The following FHIT variants were observed in gnomAD, a reference collection of about 807,000 sequenced individuals.
The protein encoded by FHIT is fragile histidine triad diadenosine triphosphatase, also known as bis(5'-adenosyl)-triphosphatase.
A neutral mutation model predicts 17.9 loss-of-function variants in FHIT; 19 were observed. That is an observed-to-expected ratio of 1.06 (90% CI 0.74 to 1.56). FHIT has a LOEUF of 1.56. Among genes scored for constraint, FHIT ranks in the 40% most tolerant of loss-of-function variants. The pLI, the probability that FHIT is intolerant of heterozygous loss-of-function variation, is 0.00. For missense variants in FHIT, 248 were observed against 189.2 expected, an observed-to-expected ratio of 1.31 and a Z score of -1.82; for synonymous variants, 81 against 69.7, an observed-to-expected ratio of 1.16 and a Z score of -0.81.
In FHIT at chr3:60,064,872, A is replaced by C. The variant is rs571549529; in HGVS notation, c.104-50720T>G. ...TTATCTCATTTACTTCTCATTTAAAATGCCATTGGTTAATATCATAATCTT... is the reference window on the plus strand; with the variant it reads ...TTATCTCATTTACTTCTCATTTAAACTGCCATTGGTTAATATCATAATCTT... On this transcript the variant is annotated intron_variant, in intron 5 of 9. Transcript: ENST00000492590. Among the ~76,000 whole-genome samples, 1,511 of 152,338 alleles carry C rather than the reference A, an allele frequency of 9.9e-3. 29 individuals are homozygous for C. The highest frequency in any genetic ancestry group is 0.033 in the African/African-American group (1,363 of 41,570).
At chr3:60,094,776 G>C (rs536111912) in intron 5 of FHIT, among the ~76,000 whole-genome samples, 3 of 150,898 alleles carry the variant, frequency 2.0e-5, no homozygotes, top group Non-Finnish European at 4.4e-5. Context: ...GTGAGGGAGG[G>C]AAGGGAAGGG....
chr3:60,196,690 C>G (rs577412363), intron 5 of FHIT, among the ~76,000 whole-genome samples: 1 of 151,996 alleles, frequency 6.6e-6, no homozygotes, highest in Non-Finnish European at 1.5e-5. Flanking sequence ...AACATACATA[C>G]ATACATATAA....
chr3:60,218,890 T>C (rs1268205343), intron 5 of FHIT, among the ~76,000 whole-genome samples: 2 of 152,064 alleles, frequency 1.3e-5, no homozygotes, highest in African/African-American at 4.8e-5. Context: ...CATATATACA[T>C]ACATATATAA....
At chr3:61,110,266 C>T (rs1287750475) in intron 2 of FHIT, among the ~76,000 whole-genome samples, 1 of 152,148 alleles carries the variant, frequency 6.6e-6, no homozygotes, top group African/African-American at 2.4e-5. Context: ...AACAGGCCTG[C>T]TATGTTTCCA....
chr3:60,030,156 C>A (rs1250678899), intron 5 of FHIT, among the ~76,000 whole-genome samples: 1 of 152,070 alleles, frequency 6.6e-6, no homozygotes, highest in Non-Finnish European at 1.5e-5. Flanking sequence ...GTTTCCCCAC[C>A]AAATGTTCTC....
chr3:60,282,874 T>C (rs1452727156), intron 5 of FHIT, among the ~76,000 whole-genome samples: 6 of 152,116 alleles, frequency 3.9e-5, no homozygotes, highest in Non-Finnish European at 5.9e-5. Flanking sequence ...AGTAGGAAGA[T>C]TCTTATGGCT....
intron 5 of FHIT, among the ~76,000 whole-genome samples, chr3:60,175,921 G>C (rs1004047750): frequency 2.0e-5 from 3 of 152,142 alleles, no homozygotes; most frequent in Non-Finnish European, 4.4e-5. Flanking sequence ...TGTGATAATA[G>C]AACTGTTCCA....
chr3:61,204,670 A>C (rs2039151381), intron 1 of FHIT, among the ~76,000 whole-genome samples: 1 of 152,330 alleles, frequency 6.6e-6, no homozygotes, highest in East Asian at 1.9e-4. Context: ...GTTGTTTATA[A>C]GAAACAAATT....
chr3:61,075,090 GTT>G (rs1476632744), intron 2 of FHIT, among the ~76,000 whole-genome samples: 1 of 152,132 alleles, frequency 6.6e-6, no homozygotes, highest in Non-Finnish European at 1.5e-5. Context: ...AACAAAGCAG[GTT>G]TCAATGTTCT....
At chr3:60,195,219 C>T (rs112993883) in intron 5 of FHIT, among the ~76,000 whole-genome samples, 2 of 151,812 alleles carry the variant, frequency 1.3e-5, no homozygotes, top group African/African-American at 4.8e-5. Context: ...ACCATTTTAC[C>T]CCCTCCAGAA....
At chr3:59,826,964 C>A (rs112323202) in intron 8 of FHIT, among the ~76,000 whole-genome samples, 1 of 152,184 alleles carries the variant, frequency 6.6e-6, no homozygotes, top group African/African-American at 2.4e-5. Flanking sequence ...CCTCCCTCAA[C>A]AGATTTCAAA....
chr3:60,846,922 C>A (rs570829425), intron 3 of FHIT, among the ~76,000 whole-genome samples: 1 of 152,030 alleles, frequency 6.6e-6, no homozygotes, highest in Non-Finnish European at 1.5e-5. Flanking sequence ...CTCCCAGGTT[C>A]AAGCAATTCT....
intron 5 of FHIT, among the ~76,000 whole-genome samples, chr3:60,375,852 A>G (rs916413820): frequency 1.3e-5 from 2 of 152,116 alleles, no homozygotes; most frequent in African/African-American, 4.8e-5. Context: ...GCTCTCTACA[A>G]CGATAAAAAT....
At chr3:61,245,445 A>G (rs1219576068) in intron 1 of FHIT, among the ~76,000 whole-genome samples, 1 of 152,156 alleles carries the variant, frequency 6.6e-6, no homozygotes, top group African/African-American at 2.4e-5. Flanking sequence ...TAGACCACTG[A>G]AGAGTATCCT....
chr3:61,136,051 C>T (rs866191636), intron 2 of FHIT, among the ~76,000 whole-genome samples: 2 of 152,076 alleles, frequency 1.3e-5, no homozygotes, highest in African/African-American at 2.4e-5. Context: ...GGCCAACCAT[C>T]GCTATTTTCT....
chr3:60,401,254 T>A (rs1701646252), intron 5 of FHIT, among the ~76,000 whole-genome samples: 1 of 152,220 alleles, frequency 6.6e-6, no homozygotes, highest in Non-Finnish European at 1.5e-5. Context: ...ATACATGTGA[T>A]CTCCAAAGTG....
intron 2 of FHIT, among the ~76,000 whole-genome samples, chr3:61,138,975 G>C (rs970041198): frequency 6.6e-6 from 1 of 151,634 alleles, no homozygotes; most frequent in Non-Finnish European, 1.5e-5. Context: ...AAGAACCACA[G>C]CTGTGGGCCC....
intron 5 of FHIT, among the ~76,000 whole-genome samples, chr3:60,294,439 G>A (rs1486468430): frequency 1.3e-5 from 2 of 152,132 alleles, no homozygotes; most frequent in Non-Finnish European, 2.9e-5. Context: ...AAGTTAGCTG[G>A]CAGCAGAACT....
At chr3:60,361,854 C>G (rs1009164917) in intron 5 of FHIT, among the ~76,000 whole-genome samples, 2 of 152,158 alleles carry the variant, frequency 1.3e-5, no homozygotes, top group African/African-American at 2.4e-5. Context: ...GCTGTACTAT[C>G]TCATATCTCA....
Sources: allele counts gnomAD v4.1 joint callset (sites outside exome capture counted in the v4.1 genomes callset), GRCh38; gene constraint gnomAD v4.1.1; transcripts MANE v1.5; gene names NCBI Gene and HGNC (gene_info 2026-07-23, HGNC 2026-07-21).